CAMK1D: variants seen among roughly 807,000 people sequenced by gnomAD.
The protein encoded by CAMK1D is calcium/calmodulin dependent protein kinase ID.
CAMK1D carries 9 observed loss-of-function variants against 47.7 expected under a neutral mutation model. The ratio of observed to expected loss-of-function variants is 0.19; its 90% CI spans 0.11 to 0.33. The LOEUF is 0.33. CAMK1D is among the 10% of genes least tolerant of loss of function. The pLI is 1.00. For missense variants in CAMK1D, 291 were observed against 488.7 expected (o/e 0.60, Z 3.81); for synonymous variants, 184 against 184.9 (o/e 0.99, Z 0.04).
chr10:12,391,712 G>T (rs1481594107), intron 1 of CAMK1D, among the ~76,000 whole-genome samples: 1 of 152,082 alleles, frequency 6.6e-6, no homozygotes, highest in Non-Finnish European at 1.5e-5. Context: ...TTGAGAATAA[G>T]AATTCTATCT....
chr10:12,434,530 A>G (rs1832574206), intron 1 of CAMK1D, among the ~76,000 whole-genome samples: 1 of 152,178 alleles, frequency 6.6e-6, no homozygotes, highest in South Asian at 2.1e-4. Flanking sequence ...TGTTTGTGCA[A>G]GCTGTGAGCT....
intron 1 of CAMK1D, among the ~76,000 whole-genome samples, chr10:12,515,768 CCCGGCTAATTTTTTTTGTATTTTTAGTAG>C (rs1195352707): frequency 6.6e-6 from 1 of 151,838 alleles, no homozygotes; most frequent in Admixed American, 6.6e-5. Context: ...TGCCACAGCA[CCCGGCTAATTTTTTTTGTATTTTTAGTAG>C]AGATGGGATT....
intron 1 of CAMK1D, among the ~76,000 whole-genome samples, chr10:12,476,060 AG>A (rs533180380): frequency 6.6e-6 from 1 of 151,800 alleles, no homozygotes; most frequent in Non-Finnish European, 1.5e-5. Flanking sequence ...AGGGAGGCCG[AG>A]GGGGGGCGGA....
chr10:12,734,377 T>G lies in CAMK1D; in HGVS notation c.300-26571T>G, dbSNP rs1256719724. Among the ~76,000 whole-genome samples the G allele has an allele frequency of 4.6e-4, 7 of 15,188 alleles. 1 individual carries two copies. Among genetic ancestry groups the G allele is most frequent in the South Asian group, 2.5e-3 (1 of 394 alleles). 10.0% of individuals were successfully genotyped at this position (15,188 alleles called of 152,430 possible). ...ATATATATATATATATATATATATATAGATATAGATATAGATATATATATA... is the reference window on the plus strand; with the variant it reads ...ATATATATATATATATATATATATAGAGATATAGATATAGATATATATATA... On this transcript the variant is annotated intron_variant, in intron 3 of 10. Transcript: ENST00000619168.
intron 3 of CAMK1D, among the ~76,000 whole-genome samples, chr10:12,759,114 T>C (rs2482060): frequency 1 from 151,646 of 152,284 alleles, 75,509 homozygotes; most frequent in Middle Eastern, 1. Context: ...TTTGGGAGGC[T>C]AAGGCGGGAG....
At chr10:12,523,638 G>A (rs188249919) in intron 1 of CAMK1D, among the ~76,000 whole-genome samples, 1 of 152,196 alleles carries the variant, frequency 6.6e-6, no homozygotes, top group African/African-American at 2.4e-5. Flanking sequence ...GCAGGCACTC[G>A]GCAGGCTGAG....
At chr10:12,824,401 T>C in intron 8 of CAMK1D, 64 bp from the exon 9 acceptor site, 5 of 1,421,978 alleles carry the variant, frequency 3.5e-6, no homozygotes, top group Non-Finnish European at 5.0e-6. Context: ...GACTCCCCTT[T>C]ATGGGACGCA....
chr10:12,527,163 A>G (rs1460303078), intron 1 of CAMK1D, among the ~76,000 whole-genome samples: 1 of 151,966 alleles, frequency 6.6e-6, no homozygotes, highest in African/African-American at 2.4e-5. Flanking sequence ...TAACCTCATG[A>G]CTGGGCTGGC....
chr10:12,448,063 A>G (rs1832971757), intron 1 of CAMK1D, among the ~76,000 whole-genome samples: 1 of 152,134 alleles, frequency 6.6e-6, no homozygotes, highest in Non-Finnish European at 1.5e-5. Context: ...CATGTTGGTC[A>G]GGCTAGTCTC....
intron 3 of CAMK1D, among the ~76,000 whole-genome samples, chr10:12,722,411 AC>A (rs1181547172): frequency 1.4e-4 from 17 of 118,720 alleles, no homozygotes; most frequent in East Asian, 3.0e-4. Flanking sequence ...GTGCCACTGC[AC>A]CTCCAGCCTG....
At chr10:12,387,428 T>TATATATTATATATATTTTATATATAAA (rs1838554387) in intron 1 of CAMK1D, among the ~76,000 whole-genome samples, 3 of 56,760 alleles carry the variant, frequency 5.3e-5, no homozygotes, top group Admixed American at 2.7e-4. Flanking sequence ...TTATATATTT[T>TATATATTATATATATTTTATATATAAA]ATATATTATA....
chr10:12,796,287 G>C (rs1181878505), intron 6 of CAMK1D, among the ~76,000 whole-genome samples: 3 of 152,088 alleles, frequency 2.0e-5, no homozygotes, highest in Non-Finnish European at 4.4e-5. Flanking sequence ...GGCCATGGGT[G>C]GGGAGACCTC....
At chr10:12,732,664 A>ACCC (rs1564522851) in intron 3 of CAMK1D, among the ~76,000 whole-genome samples, 1 of 111,666 alleles carries the variant, frequency 9.0e-6, no homozygotes, top group African/African-American at 4.4e-5. Context: ...TTATTCAATT[A>ACCC]CCCCCGCCCC....
chr10:12,486,163 CTT>C (rs55689904), intron 1 of CAMK1D, among the ~76,000 whole-genome samples: 119 of 143,154 alleles, frequency 8.3e-4, no homozygotes, highest in Non-Finnish European at 7.1e-4. Flanking sequence ...TTGCCAGTCT[CTT>C]TTTTTTTTTT....
chr10:12,428,057 T>C (rs766248787), intron 1 of CAMK1D, among the ~76,000 whole-genome samples: 4 of 152,114 alleles, frequency 2.6e-5, no homozygotes, highest in African/African-American at 7.2e-5. Context: ...CTGGGATACA[T>C]GTGCAGAATG....
intron 3 of CAMK1D, among the ~76,000 whole-genome samples, chr10:12,694,010 TATTA>T (rs1258163817): frequency 1.3e-5 from 1 of 76,200 alleles, no homozygotes; most frequent in Non-Finnish European, 2.3e-5. Context: ...ATATAATATA[TATTA>T]AATATATATA....
chr10:12,491,522 A>G (rs1295811655), intron 1 of CAMK1D, among the ~76,000 whole-genome samples: 2 of 152,092 alleles, frequency 1.3e-5, no homozygotes, highest in Admixed American at 1.3e-4. Flanking sequence ...TCCTTGTATG[A>G]AAGAAAATTC....
At chr10:12,487,886 A>G (rs771411726) in intron 1 of CAMK1D, among the ~76,000 whole-genome samples, 3 of 152,186 alleles carry the variant, frequency 2.0e-5, no homozygotes, top group East Asian at 1.9e-4. Flanking sequence ...TATTTAATAC[A>G]TGCTTGTTAA....
At chr10:12,544,952 C>T (rs1278720066) in intron 1 of CAMK1D, among the ~76,000 whole-genome samples, 1 of 152,134 alleles carries the variant, frequency 6.6e-6, no homozygotes, top group Non-Finnish European at 1.5e-5. Flanking sequence ...CTTTGCAGAT[C>T]TGCAGCACAG....
Sources: gnomAD v4.1 joint callset for allele counts (sites outside exome capture counted in the v4.1 genomes callset) on GRCh38, gnomAD v4.1.1 for gene constraint, MANE v1.5 for transcripts, NCBI Gene and HGNC (gene_info 2026-07-23, HGNC 2026-07-21) for gene names.